NSUN4: variants seen among roughly 807,000 people sequenced by gnomAD.
NSUN4 encodes 5-cytosine rRNA methyltransferase NSUN4.
A neutral mutation model predicts 43.8 loss-of-function variants in NSUN4; 31 were observed. The observed-to-expected ratio is 0.71, with a 90% CI of 0.53 to 0.96. The LOEUF is 0.96. Among genes scored for constraint, NSUN4 ranks in the 40% least tolerant of loss-of-function variants. The pLI is 0.00. For synonymous variants in NSUN4, 167 were observed against 184.1 expected, an observed-to-expected ratio of 0.91 and a Z score of 0.75; for missense variants, 439 against 475.6, an observed-to-expected ratio of 0.92 and a Z score of 0.72.
the NSUN4 span, among the ~76,000 whole-genome samples, chr1:46,385,142 C>A: frequency 9.9e-5 from 15 of 152,180 alleles, no homozygotes; most frequent in Non-Finnish European, 1.5e-4. Flanking sequence ...TAAATTTCAC[C>A]TTTATATTAG....
At chr1:46,345,174 C>G (rs750359715) in intron 2 of NSUN4, 30 bp downstream of exon 2, 1 of 1,513,984 alleles carries the variant, frequency 6.6e-7, no homozygotes, top group African/African-American at 1.4e-5. Context: ...CTGGAGCGGT[C>G]CTGAGTGTCT....
Position 46,362,059 on chromosome 1 carries a change from C to G in NSUN4, c.*213C>G, listed in dbSNP as rs1281223039. 8.5e-6 allele frequency: 5 copies of G among 585,338 alleles called. No individual in the cohort carries two copies. The highest frequency in any genetic ancestry group is 1.9e-5 in the African/African-American group (1 of 53,592). 36.3% of individuals were successfully genotyped at this position (585,338 alleles called of 1,614,324 possible). On this transcript the variant is annotated 3_prime_UTR_variant, in exon 6 of 6. Transcript: ENST00000474844. Reference sequence around the variant, plus strand: ...CAGGTTTCCAACTCACTCATTAACCCCTACCCCATCTCCAGGCCTGTACTA... The same window carrying G: ...CAGGTTTCCAACTCACTCATTAACCGCTACCCCATCTCCAGGCCTGTACTA...
chr1:46,376,408 A>T, the NSUN4 span, among the ~76,000 whole-genome samples: 5 of 86,604 alleles, frequency 5.8e-5, no homozygotes, highest in Non-Finnish European at 1.2e-4. Context: ...GACCCTGCAT[A>T]AAAAAAAAAA....
At chr1:46,341,661 T>A in intron 1 of NSUN4, 1 of 1,225,558 alleles carries the variant, frequency 8.2e-7, no homozygotes, top group Non-Finnish European at 1.0e-6. Flanking sequence ...CCCACAACCT[T>A]CCTCGCACTC....
intron 4 of NSUN4, among the ~76,000 whole-genome samples, chr1:46,358,395 C>T (rs546993263): frequency 1.5e-4 from 19 of 126,284 alleles, no homozygotes; most frequent in African/African-American, 5.3e-4. Context: ...TGCTCCTGGC[C>T]TAATTTTTTT....
intron 4 of NSUN4, among the ~76,000 whole-genome samples, chr1:46,354,495 A>G (rs1008642314): frequency 6.6e-6 from 1 of 152,184 alleles, no homozygotes; most frequent in South Asian, 2.1e-4. Flanking sequence ...TATAAAATAT[A>G]TAGCTGTTGT....
At chr1:46,353,540 G>A (rs991270288) in intron 4 of NSUN4, among the ~76,000 whole-genome samples, 27 of 151,598 alleles carry the variant, frequency 1.8e-4, no homozygotes, top group African/African-American at 1.9e-4. Context: ...GCAATGGCGC[G>A]ATCTCTGCTC....
At chr1:46,359,088 T>C (rs1445767987) in intron 4 of NSUN4, among the ~76,000 whole-genome samples, 1 of 151,988 alleles carries the variant, frequency 6.6e-6, no homozygotes, top group Non-Finnish European at 1.5e-5. Flanking sequence ...CAAAACCCCG[T>C]CTGTACTAAA....
At chr1:46,368,878 AC>A (rs145680970), downstream of NSUN4, among the ~76,000 whole-genome samples, 952 of 152,208 alleles carry the variant, frequency 6.3e-3, 13 homozygotes, top group African/African-American at 0.022. Context: ...CATAGGGAGA[AC>A]CCATTTTTAC....
chr1:46,346,106 G>A (rs1320867542), intron 2 of NSUN4, among the ~76,000 whole-genome samples: 8 of 147,488 alleles, frequency 5.4e-5, no homozygotes, highest in Non-Finnish European at 8.9e-5. Flanking sequence ...AGCTGAGATC[G>A]TGCCACCGTA....
At chr1:46,361,039 C>T (rs1401674683) in intron 5 of NSUN4, among the ~76,000 whole-genome samples, 7 of 152,154 alleles carry the variant, frequency 4.6e-5, no homozygotes, top group Non-Finnish European at 8.8e-5. Flanking sequence ...CCCAGCTACT[C>T]AGGGGGCTGA....
chr1:46,353,769 G>T (rs56179746), intron 4 of NSUN4, among the ~76,000 whole-genome samples: 33,979 of 151,872 alleles, frequency 0.22, 4,226 homozygotes, highest in Non-Finnish European at 0.29. Flanking sequence ...GAGCCACTGC[G>T]CCCAGCCGGT....
the NSUN4 span, among the ~76,000 whole-genome samples, chr1:46,378,490 C>A: frequency 6.6e-6 from 1 of 152,202 alleles, no homozygotes; most frequent in Non-Finnish European, 1.5e-5. Flanking sequence ...AGCCACTGTG[C>A]CTGGCCAAGG....
At position 46,362,795 on chromosome 1, in the gene NSUN4, C is replaced by A. The variant is rs557590350; in HGVS notation, c.*949C>A. ...CTGGTGCCTGTTCTTTGGCCCACCC[C>A]CTAATCCCTAACTCTTCCCTCAGCA... is the stretch of plus-strand genomic sequence containing the variant. On this transcript the variant is annotated 3_prime_UTR_variant, in exon 6 of 6. Coordinates refer to ENST00000474844, the MANE Select transcript of NSUN4 (RefSeq NM_199044.4). The A allele has an allele frequency of 2.0e-5, 3 of 152,120 alleles. No individual in the cohort carries two copies. Among genetic ancestry groups the A allele is most frequent in the African/African-American group, 7.2e-5 (3 of 41,424 alleles). 9.4% of individuals were successfully genotyped at this position (152,120 alleles called of 1,614,324 possible).
chr1:46,347,113 C>T (rs1427458157), intron 3 of NSUN4, 38 bp downstream of exon 3: 4 of 1,595,664 alleles, frequency 2.5e-6, no homozygotes, highest in South Asian at 1.1e-5. Flanking sequence ...AGAGAGAGCT[C>T]CCCACCTCAC....
At chr1:46,340,994 C>G in intron 1 of NSUN4, 75 bp downstream of exon 1, 1 of 1,361,888 alleles carries the variant, frequency 7.3e-7, no homozygotes, top group Non-Finnish European at 1.0e-6. Context: ...TCCCGGCCCT[C>G]TAGAACGCCT....
At chr1:46,343,368 G>A (rs1662259345) in intron 1 of NSUN4, 3 of 399,688 alleles carry the variant, frequency 7.5e-6, no homozygotes, top group African/African-American at 2.1e-5. Context: ...CCCTGATACT[G>A]TCCCCTGTGG....
chr1:46,355,297 C>T (rs1162537069), intron 4 of NSUN4, among the ~76,000 whole-genome samples: 1 of 152,162 alleles, frequency 6.6e-6, no homozygotes, highest in East Asian at 1.9e-4. Flanking sequence ...TGTTGTTGAA[C>T]ACTTACAATG....
In NSUN4 at chr1:46,364,057, A is replaced by G. The variant is rs2148425335; in HGVS notation, c.*2211A>G. ...AGTGGCTCACGCCTGTAATCTCAACACTTTGGGAGGCCAAGGTGGGAAGAT... is the reference window on the plus strand; with the variant it reads ...AGTGGCTCACGCCTGTAATCTCAACGCTTTGGGAGGCCAAGGTGGGAAGAT... On this transcript the variant is annotated 3_prime_UTR_variant, in exon 6 of 6. Transcript: ENST00000474844. The G allele has an allele frequency of 6.6e-6, 1 of 151,438 alleles. No homozygotes were observed. Among genetic ancestry groups the G allele is most frequent in the Admixed American group, 6.6e-5 (1 of 15,098 alleles). 9.4% of individuals were successfully genotyped at this position (151,438 alleles called of 1,614,324 possible).
Sources: gnomAD v4.1 joint callset for allele counts (sites outside exome capture counted in the v4.1 genomes callset) on GRCh38, gnomAD v4.1.1 for gene constraint, MANE v1.5 for transcripts, NCBI Gene and HGNC (gene_info 2026-07-23, HGNC 2026-07-21) for gene names.